The following SGCD variants were observed in gnomAD, a reference collection of about 807,000 sequenced individuals.
The protein encoded by SGCD is delta-sarcoglycan.
In SGCD, 18 loss-of-function variants were observed where a neutral mutation model predicts 36.6. That is an observed-to-expected ratio of 0.49 (90% CI 0.34 to 0.73). The LOEUF is 0.73. Among genes scored for constraint, SGCD ranks in the 30% least tolerant of loss-of-function variants. SGCD has a pLI of 0.01. For synonymous variants in SGCD, 133 were observed against 130.6 expected (o/e 1.02, Z -0.12); for missense variants, 387 against 346.7 (o/e 1.12, Z -0.92).
chr5:156,017,629 A>G (rs1403145395), intron 1 of SGCD, among the ~76,000 whole-genome samples: 1 of 152,110 alleles, frequency 6.6e-6, no homozygotes, highest in East Asian at 1.9e-4. Context: ...AAGAAATTCA[A>G]TGATTTTATG....
chr5:156,394,460 A>G (rs1383345215), intron 3 of SGCD, among the ~76,000 whole-genome samples: 1 of 151,864 alleles, frequency 6.6e-6, no homozygotes, highest in Non-Finnish European at 1.5e-5. Context: ...GTAAGAGGTA[A>G]CCTGTACTAA....
chr5:156,525,619 A>G (rs1046931013), intron 4 of SGCD, among the ~76,000 whole-genome samples: 4 of 151,344 alleles, frequency 2.6e-5, no homozygotes, highest in Non-Finnish European at 2.9e-5. Flanking sequence ...TTTGATTCCT[A>G]TGCTTTTGGC....
At chr5:156,696,984 T>C (rs157664) in intron 7 of SGCD, among the ~76,000 whole-genome samples, 9,272 of 150,438 alleles carry the variant, frequency 0.062, 477 homozygotes, top group East Asian at 0.22. Flanking sequence ...AAAGACATCC[T>C]GGTTTCCAGA....
intron 6 of SGCD, among the ~76,000 whole-genome samples, chr5:156,631,584 ACTATT>A (rs1338018654): frequency 1.3e-5 from 2 of 151,506 alleles, no homozygotes; most frequent in Admixed American, 1.3e-4. Flanking sequence ...AGAGGAAAAA[ACTATT>A]AAAGGCTCAC....
At chr5:156,569,454 T>G (rs1759629806) in intron 4 of SGCD, among the ~76,000 whole-genome samples, 1 of 151,980 alleles carries the variant, frequency 6.6e-6, no homozygotes, top group African/African-American at 2.4e-5. Context: ...TAGCCAGGCA[T>G]GGTGGCATGC....
chr5:156,315,361 A>T (rs1432505026), intron 3 of SGCD, among the ~76,000 whole-genome samples: 1 of 151,674 alleles, frequency 6.6e-6, no homozygotes, highest in African/African-American at 2.4e-5. Flanking sequence ...CTTCAGATTT[A>T]TCCAGGTTGT....
chr5:155,804,236 C>T, the SGCD span, among the ~76,000 whole-genome samples: 1 of 152,186 alleles, frequency 6.6e-6, no homozygotes, highest in African/African-American at 2.4e-5. Context: ...CACATTATCT[C>T]ATTTCCTGCA....
intron 3 of SGCD, among the ~76,000 whole-genome samples, chr5:156,411,379 G>T (rs574477248): frequency 6.6e-6 from 1 of 152,198 alleles, no homozygotes; most frequent in African/African-American, 2.4e-5. Context: ...TACAGGGGTC[G>T]CATGGAGCAG....
At chr5:156,183,784 G>T (rs1763666061) in intron 3 of SGCD, among the ~76,000 whole-genome samples, 1 of 152,192 alleles carries the variant, frequency 6.6e-6, no homozygotes. Context: ...AGAGGAAGGG[G>T]AGAGAAAGTA....
intron 1 of SGCD, among the ~76,000 whole-genome samples, chr5:156,042,328 C>G (rs530852238): frequency 6.4e-4 from 97 of 152,142 alleles, no homozygotes; most frequent in African/African-American, 2.3e-3. Context: ...TACCCTTGCT[C>G]CAAACCACAC....
At chr5:156,209,643 G>A (rs1394565243) in intron 3 of SGCD, among the ~76,000 whole-genome samples, 6 of 152,206 alleles carry the variant, frequency 3.9e-5, no homozygotes, top group Admixed American at 3.3e-4. Context: ...GTAAACCCAG[G>A]TTGCAGGTTG....
intron 3 of SGCD, among the ~76,000 whole-genome samples, chr5:156,293,804 A>C (rs986334928): frequency 8.5e-5 from 13 of 152,098 alleles, no homozygotes; most frequent in African/African-American, 3.1e-4. Flanking sequence ...AGGATCTCTT[A>C]AGGTTCCATG....
At chr5:156,580,580 T>G (rs750877946) in intron 4 of SGCD, among the ~76,000 whole-genome samples, 13 of 152,250 alleles carry the variant, frequency 8.5e-5, no homozygotes, top group Non-Finnish European at 1.3e-4. Flanking sequence ...TGATATTTCT[T>G]GGAGGCTTTG....
intron 3 of SGCD, among the ~76,000 whole-genome samples, chr5:156,351,972 TA>T (rs113739629): frequency 0.038 from 5,787 of 152,246 alleles, 327 homozygotes; most frequent in African/African-American, 0.13. Flanking sequence ...AGTATACCAC[TA>T]AATGCATTGG....
rs185315924 is a variant in SGCD at position 155,928,323 on chromosome 5, G to T, written c.-282+57899G>T. Among the ~76,000 whole-genome samples, 379 of 152,242 alleles carry T rather than the reference G, an allele frequency of 2.5e-3. 1 individual carries two copies. The highest frequency in any genetic ancestry group is 8.7e-3 in the African/African-American group (362 of 41,546). On this transcript the variant is annotated intron_variant, in intron 1 of 9. Coordinates refer to the SGCD transcript ENST00000517913. The stretch of plus-strand genomic sequence containing the variant: ...GGATGGTATTATGTATCAATCAAAT[G>T]AATCTTCATTTATAGCAAAATAAAT...
chr5:156,232,635 A>G lies in SGCD; in HGVS notation c.-43-96899A>G, dbSNP rs182487982. Among the ~76,000 whole-genome samples the G allele has an allele frequency of 3.3e-4, 50 of 152,332 alleles. 1 individual carries two copies. The East Asian group carries it at 9.5e-3, about 29-fold the overall frequency. Reference sequence around the variant, plus strand: ...GCATCATTAGGATTCTACTTATTCTAGACCTGGAAGGATTTGACAGACCGT... The same window carrying G: ...GCATCATTAGGATTCTACTTATTCTGGACCTGGAAGGATTTGACAGACCGT... On this transcript the variant is annotated intron_variant, in intron 3 of 9. Coordinates refer to the SGCD transcript ENST00000517913.
exon 3 of SGCD, chr5:156,123,886 TGAA>T (rs1457718613): frequency 1.3e-5 from 2 of 152,192 alleles, no homozygotes; most frequent in Non-Finnish European, 2.9e-5. Flanking sequence ...CTCAGGGATT[TGAA>T]GAAGGTTATA....
intron 1 of SGCD, among the ~76,000 whole-genome samples, chr5:156,033,945 A>G (rs534968804): frequency 6.6e-6 from 1 of 152,276 alleles, no homozygotes; most frequent in East Asian, 1.9e-4. Context: ...GCAAGACACA[A>G]TCTTTTCCTC....
chr5:155,986,959 T>A (rs1758345038), intron 1 of SGCD, among the ~76,000 whole-genome samples: 2 of 152,140 alleles, frequency 1.3e-5, no homozygotes, highest in Non-Finnish European at 2.9e-5. Context: ...TATAGAATTG[T>A]TGGCAAAAGG....
Sources: gnomAD v4.1 joint callset for allele counts (sites outside exome capture counted in the v4.1 genomes callset) on GRCh38, gnomAD v4.1.1 for gene constraint, MANE v1.5 for transcripts, NCBI Gene and HGNC (gene_info 2026-07-23, HGNC 2026-07-21) for gene names.